Variants in SPOCK3 observed in about 807,000 individuals in gnomAD.
SPOCK3 encodes the protein SPARC (osteonectin), cwcv and kazal like domains proteoglycan 3.
In SPOCK3, 30 loss-of-function variants were observed where a neutral mutation model predicts 56.6. The observed-to-expected ratio is 0.53, with a 90% confidence interval of 0.40 to 0.72. The LOEUF (loss-of-function observed/expected upper bound fraction) is 0.72, where lower values mean the gene tolerates loss of function less well. Among genes scored for constraint, SPOCK3 ranks in the 30% least tolerant of loss-of-function variants. SPOCK3 has a pLI of 0.00. For synonymous variants in SPOCK3, 196 were observed against 183.3 expected (o/e 1.07, Z -0.56); for missense variants, 527 against 530.0 (o/e 0.99, Z 0.06).
chr4:167,179,713 G>T (rs540034735), intron 2 of SPOCK3, among the ~76,000 whole-genome samples: 1 of 152,024 alleles, frequency 6.6e-6, no homozygotes, highest in Admixed American at 6.6e-5. Context: ...GAATGATACC[G>T]CATTATATTA....
intron 4 of SPOCK3, among the ~76,000 whole-genome samples, chr4:166,956,637 C>T (rs1743509986): frequency 1.3e-5 from 2 of 152,054 alleles, no homozygotes; most frequent in Admixed American, 6.6e-5. Context: ...AAATGGGTAA[C>T]TGAAACCACA....
chr4:166,775,910 A>G (rs1739477390), intron 7 of SPOCK3, among the ~76,000 whole-genome samples: 2 of 152,118 alleles, frequency 1.3e-5, no homozygotes, highest in African/African-American at 4.8e-5. Flanking sequence ...ATGTGCATTC[A>G]AACAACAACA....
At chr4:167,123,030 C>T (rs905693100) in intron 2 of SPOCK3, among the ~76,000 whole-genome samples, 9 of 151,488 alleles carry the variant, frequency 5.9e-5, no homozygotes, top group African/African-American at 1.5e-4. Flanking sequence ...GTCATGTCCT[C>T]AGTAACACTA....
intron 2 of SPOCK3, among the ~76,000 whole-genome samples, chr4:167,209,435 A>C (rs181636480): frequency 6.6e-6 from 1 of 152,140 alleles, no homozygotes; most frequent in African/African-American, 2.4e-5. Flanking sequence ...ATATTTCACA[A>C]TGCTAACACT....
At chr4:166,766,814 G>C (rs940075735) in intron 7 of SPOCK3, among the ~76,000 whole-genome samples, 3 of 152,102 alleles carry the variant, frequency 2.0e-5, no homozygotes, top group African/African-American at 4.8e-5. Context: ...AATCCATCTG[G>C]TCCTGGACTT....
chr4:167,145,548 G>A (rs1040601163), intron 2 of SPOCK3, among the ~76,000 whole-genome samples: 2 of 152,000 alleles, frequency 1.3e-5, no homozygotes, highest in African/African-American at 2.4e-5. Context: ...AAAAATATCT[G>A]AGATGGAGAC....
intron 4 of SPOCK3, among the ~76,000 whole-genome samples, chr4:166,949,224 T>G (rs1742179930): frequency 6.6e-6 from 1 of 152,188 alleles, no homozygotes; most frequent in African/African-American, 2.4e-5. Flanking sequence ...CTGTATTGGT[T>G]ATTCTAGTTA....
At chr4:167,016,707 A>AT (rs1310738159) in intron 3 of SPOCK3, among the ~76,000 whole-genome samples, 1 of 151,846 alleles carries the variant, frequency 6.6e-6, no homozygotes, top group Non-Finnish European at 1.5e-5. Flanking sequence ...CACCAGGCTA[A>AT]TTTTTTGTAT....
chr4:167,108,349 C>T (rs1202227606), intron 2 of SPOCK3, among the ~76,000 whole-genome samples: 1 of 151,766 alleles, frequency 6.6e-6, no homozygotes, highest in African/African-American at 2.4e-5. Flanking sequence ...AGAGATATCT[C>T]CACTCTCATG....
At chr4:167,200,757 G>A (rs926748106) in intron 2 of SPOCK3, among the ~76,000 whole-genome samples, 1 of 152,038 alleles carries the variant, frequency 6.6e-6, no homozygotes, top group African/African-American at 2.4e-5. Context: ...ATTCTGTTGA[G>A]TTATAACACG....
At chr4:167,007,017 T>C (rs772050698) in intron 3 of SPOCK3, among the ~76,000 whole-genome samples, 1 of 152,148 alleles carries the variant, frequency 6.6e-6, no homozygotes, top group Non-Finnish European at 1.5e-5. Context: ...TTTGTTGTTG[T>C]TATCACTAGA....
intron 2 of SPOCK3, among the ~76,000 whole-genome samples, chr4:167,090,516 T>C (rs1004896903): frequency 6.6e-6 from 1 of 152,162 alleles, no homozygotes; most frequent in Non-Finnish European, 1.5e-5. Flanking sequence ...TTATTTTTTT[T>C]TTTTGAGACA....
At chr4:167,055,887 A>C (rs898086640) in intron 3 of SPOCK3, among the ~76,000 whole-genome samples, 2 of 152,302 alleles carry the variant, frequency 1.3e-5, no homozygotes, top group East Asian at 1.9e-4. Context: ...ACAGACAAAC[A>C]AAAAGACAGC....
intron 2 of SPOCK3, among the ~76,000 whole-genome samples, chr4:167,151,442 T>C (rs1580446674): frequency 6.7e-6 from 1 of 149,258 alleles, no homozygotes; most frequent in African/African-American, 2.5e-5. Context: ...TTTCTTTTTT[T>C]TTTTTTTTTT....
chr4:167,020,678 G>A (rs898549752), intron 3 of SPOCK3, among the ~76,000 whole-genome samples: 3 of 151,992 alleles, frequency 2.0e-5, no homozygotes, highest in African/African-American at 7.2e-5. Context: ...CTAGATCTGT[G>A]AGAAATATGT....
At chr4:167,031,766 T>C (rs1752299547) in intron 3 of SPOCK3, among the ~76,000 whole-genome samples, 1 of 152,008 alleles carries the variant, frequency 6.6e-6, no homozygotes, top group Admixed American at 6.6e-5. Flanking sequence ...TCTTTTCCTT[T>C]AGGGATCTGC....
chr4:167,097,077 T>G (rs1019744614), intron 2 of SPOCK3, among the ~76,000 whole-genome samples: 4 of 151,804 alleles, frequency 2.6e-5, no homozygotes, highest in African/African-American at 9.7e-5. Flanking sequence ...ATATAGTTAC[T>G]CTTATTTTAT....
intron 2 of SPOCK3, among the ~76,000 whole-genome samples, chr4:167,203,790 A>C (rs1396587054): frequency 6.6e-6 from 1 of 152,120 alleles, no homozygotes; most frequent in East Asian, 1.9e-4. Context: ...TCACAGCTCT[A>C]CACATATGAG....
intron 4 of SPOCK3, among the ~76,000 whole-genome samples, chr4:166,943,353 T>TG (rs930107295): frequency 6.6e-6 from 1 of 152,154 alleles, no homozygotes; most frequent in African/African-American, 2.4e-5. Flanking sequence ...GAAAACACAT[T>TG]GAGCCATGCA....
Sources: gnomAD v4.1 joint callset for allele counts (sites outside exome capture counted in the v4.1 genomes callset) on GRCh38, gnomAD v4.1.1 for gene constraint, MANE v1.5 for transcripts, NCBI Gene and HGNC (gene_info 2026-07-23, HGNC 2026-07-21) for gene names.